Variants in AGBL4 observed in about 807,000 individuals in gnomAD.
The protein encoded by AGBL4 is AGBL carboxypeptidase 4, also known as cytosolic carboxypeptidase 6.
In AGBL4, 58 loss-of-function variants were observed where a neutral mutation model predicts 66.4. The ratio of observed to expected loss-of-function variants is 0.87; its 90% confidence interval spans 0.71 to 1.09. The LOEUF (loss-of-function observed/expected upper bound fraction) is 1.09. Among genes scored for constraint, AGBL4 ranks in the 50% least tolerant of loss-of-function variants. AGBL4 has a pLI of 0.00. For missense variants in AGBL4, 579 were observed against 631.0 expected (o/e 0.92, Z 0.88); for synonymous variants, 234 against 222.9 (o/e 1.05, Z -0.44).
At chr1:48,691,971 T>C (rs76854551) in intron 6 of AGBL4, among the ~76,000 whole-genome samples, 2,648 of 152,328 alleles carry the variant, frequency 0.017, 72 homozygotes, top group African/African-American at 0.06. Context: ...CTGCCCAACT[T>C]GGGTCTTTCT....
intron 1 of AGBL4, among the ~76,000 whole-genome samples, chr1:49,903,034 A>G (rs1037790646): frequency 6.6e-6 from 1 of 152,164 alleles, no homozygotes; most frequent in Non-Finnish European, 1.5e-5. Flanking sequence ...ACTCCACCAT[A>G]AAGACACATG....
chr1:49,546,855 G>GT (rs892333874), intron 3 of AGBL4, among the ~76,000 whole-genome samples: 5 of 152,002 alleles, frequency 3.3e-5, no homozygotes, highest in Admixed American at 1.3e-4. Flanking sequence ...TGATGGGATT[G>GT]TTTTTTTCTT....
At chr1:49,742,280 A>T (rs374057460) in intron 2 of AGBL4, among the ~76,000 whole-genome samples, 10 of 151,204 alleles carry the variant, frequency 6.6e-5, no homozygotes, top group Non-Finnish European at 1.3e-4. Context: ...GAGCCAAATC[A>T]TGAGTGAACT....
chr1:49,490,046 T>C (rs915206717), intron 3 of AGBL4, among the ~76,000 whole-genome samples: 3 of 151,882 alleles, frequency 2.0e-5, no homozygotes, highest in Admixed American at 1.3e-4. Flanking sequence ...GTATTATGTG[T>C]TCTGGCTAAA....
At chr1:48,715,989 G>A (rs747732947) in intron 6 of AGBL4, among the ~76,000 whole-genome samples, 2 of 152,156 alleles carry the variant, frequency 1.3e-5, no homozygotes, top group East Asian at 1.9e-4. Context: ...GCAAGCCAAC[G>A]GGATAACAGG....
At chr1:49,946,544 G>C (rs1189590679) in intron 1 of AGBL4, among the ~76,000 whole-genome samples, 1 of 151,590 alleles carries the variant, frequency 6.6e-6, no homozygotes, top group East Asian at 1.9e-4. Flanking sequence ...AAAACCTCTG[G>C]GATACAGCAA....
rs374250455 is a variant in AGBL4, at chr1:49,815,433, A to G, written c.157+35963T>C. Among the ~76,000 whole-genome samples, 51 of 152,274 alleles carry G rather than the reference A, an allele frequency of 3.3e-4. 1 individual carries two copies. The South Asian group carries it at 9.3e-3, about 28-fold the overall frequency. On this transcript the variant is annotated intron_variant, in intron 2 of 13. Coordinates refer to ENST00000371839, the MANE Select transcript of AGBL4 (RefSeq NM_032785.4). ...CATTCATCTGTTGCTGGACACTTAC[A>G]TTGCTTCAAAATCTTGGCTATTATG...
chr1:48,907,887 T>C (rs958345262), intron 5 of AGBL4, among the ~76,000 whole-genome samples: 24 of 152,062 alleles, frequency 1.6e-4, no homozygotes, highest in African/African-American at 2.9e-4. Flanking sequence ...TCTTGGAGTA[T>C]GAGTTTGCCA....
At chr1:49,415,698 T>C (rs1244861403) in intron 3 of AGBL4, among the ~76,000 whole-genome samples, 1 of 152,140 alleles carries the variant, frequency 6.6e-6, no homozygotes, top group Non-Finnish European at 1.5e-5. Flanking sequence ...ATCTGGATAG[T>C]ATTTTAGAAC....
At chr1:49,569,025 A>T (rs1229846020) in intron 3 of AGBL4, among the ~76,000 whole-genome samples, 4 of 152,218 alleles carry the variant, frequency 2.6e-5, no homozygotes, top group African/African-American at 4.8e-5. Context: ...TGATACATAG[A>T]CACAATGGAG....
intron 2 of AGBL4, among the ~76,000 whole-genome samples, chr1:49,842,757 A>G (rs1646029955): frequency 6.6e-6 from 1 of 152,166 alleles, no homozygotes; most frequent in Non-Finnish European, 1.5e-5. Flanking sequence ...TAGCAGAGAG[A>G]TGAGGGATAG....
intron 9 of AGBL4, among the ~76,000 whole-genome samples, chr1:48,631,183 T>G (rs1645587175): frequency 1.3e-5 from 2 of 152,114 alleles, no homozygotes; most frequent in South Asian, 4.1e-4. Context: ...GCAGTTCAGA[T>G]AGTTCAGGGT....
chr1:49,186,293 A>G (rs577460211), intron 4 of AGBL4, among the ~76,000 whole-genome samples: 4 of 152,188 alleles, frequency 2.6e-5, no homozygotes, highest in African/African-American at 7.2e-5. Flanking sequence ...TTCAAGGCCA[A>G]TCTCAAATAT....
intron 5 of AGBL4, among the ~76,000 whole-genome samples, chr1:48,882,631 G>A (rs756524239): frequency 6.6e-6 from 1 of 151,958 alleles, no homozygotes; most frequent in Non-Finnish European, 1.5e-5. Flanking sequence ...ATTATTTTTT[G>A]TGGTGAGAAC....
At chr1:49,484,665 A>G (rs1647026451) in intron 3 of AGBL4, among the ~76,000 whole-genome samples, 1 of 151,994 alleles carries the variant, frequency 6.6e-6, no homozygotes, top group African/African-American at 2.4e-5. Flanking sequence ...GAAAGAATAA[A>G]TAAGGCCTAC....
intron 3 of AGBL4, among the ~76,000 whole-genome samples, chr1:49,533,164 C>A (rs911917616): frequency 6.6e-6 from 1 of 152,230 alleles, no homozygotes; most frequent in Non-Finnish European, 1.5e-5. Flanking sequence ...TCTTCACAAC[C>A]ACACCCACAA....
intron 3 of AGBL4, among the ~76,000 whole-genome samples, chr1:49,416,688 C>T (rs1011501810): frequency 2.4e-4 from 36 of 152,038 alleles, no homozygotes; most frequent in Non-Finnish European, 5.9e-5. Context: ...AAATGAGGCT[C>T]ATAATAGCTT....
intron 1 of AGBL4, among the ~76,000 whole-genome samples, chr1:49,864,280 G>A (rs1262458539): frequency 2.0e-5 from 3 of 152,176 alleles, no homozygotes; most frequent in East Asian, 3.8e-4. Flanking sequence ...GTCAGTGGCT[G>A]ACAGGCAGGT....
intron 1 of AGBL4, among the ~76,000 whole-genome samples, chr1:49,895,115 C>T (rs534654377): frequency 2.0e-5 from 3 of 150,984 alleles, no homozygotes; most frequent in East Asian, 2.0e-4. Context: ...ACATATTTAA[C>T]GTGCTGAAAG....
Sources: allele counts gnomAD v4.1 joint callset (sites outside exome capture counted in the v4.1 genomes callset), GRCh38; gene constraint gnomAD v4.1.1; transcripts MANE v1.5; gene names NCBI Gene and HGNC (gene_info 2026-07-23, HGNC 2026-07-21).